The following PHF11 variants were observed in gnomAD, a reference collection of about 807,000 sequenced individuals.
The protein encoded by PHF11 is PHD finger protein 11, also known as BRCA1 C-terminus-associated protein.
A neutral mutation model predicts 40.5 loss-of-function variants in PHF11; 38 were observed. The ratio of observed to expected loss-of-function variants is 0.94; its 90% CI spans 0.72 to 1.23. The LOEUF is 1.23. Among genes scored for constraint, PHF11 ranks in the 50% most tolerant of loss-of-function variants. PHF11 has a pLI of 0.00. For synonymous variants in PHF11, 127 were observed against 138.2 expected, an observed-to-expected ratio of 0.92 and a Z score of 0.57; for missense variants, 369 against 392.4, an observed-to-expected ratio of 0.94 and a Z score of 0.50.
At chr13:49,513,627 G>T (rs533532528) in intron 3 of PHF11, among the ~76,000 whole-genome samples, 2 of 131,538 alleles carry the variant, frequency 1.5e-5, no homozygotes, top group South Asian at 4.6e-4. Context: ...CACCACGCCC[G>T]GCCAACATTT....
chr13:49,515,455 TAC>T (rs61316360), intron 3 of PHF11, among the ~76,000 whole-genome samples: 7,706 of 137,316 alleles, frequency 0.056, 203 homozygotes, highest in African/African-American at 0.064. Flanking sequence ...CCATCTCCTA[TAC>T]ACACACACAC....
chr13:49,507,462 T>G (rs1412231417), intron 2 of PHF11, among the ~76,000 whole-genome samples: 1 of 152,232 alleles, frequency 6.6e-6, no homozygotes, highest in Non-Finnish European at 1.5e-5. Flanking sequence ...GTCATGAACA[T>G]TCTTGTCTAG....
In PHF11 at chr13:49,523,260, CTG is replaced by C; in HGVS notation, c.637+21_637+22del. The C allele has an allele frequency of 1.3e-6, 2 of 1,559,476 alleles. No individual in the cohort carries two copies. Among genetic ancestry groups the C allele is most frequent in the South Asian group, 1.1e-5 (1 of 89,730 alleles). ...CACACAGGTTTGCGCTAAGTGTTGT[CTG>C]TAACAAATATGGCCTACAATACTTA... is the stretch of plus-strand genomic sequence containing the variant. On this transcript the variant is annotated intron_variant, in intron 7 of 9. Transcript: ENST00000378319.
At chr13:49,523,389 C>T (rs1484806739) in intron 7 of PHF11, 148 bp downstream of exon 7, 2 of 629,334 alleles carry the variant, frequency 3.2e-6, no homozygotes, top group East Asian at 2.8e-5. Flanking sequence ...TCGCAACTGT[C>T]CACTCTATTG....
At chr13:49,522,226 A>G in intron 6 of PHF11, 119 bp downstream of exon 6, 3 of 557,114 alleles carry the variant, frequency 5.4e-6, no homozygotes, top group Non-Finnish European at 9.7e-6. Context: ...CCTTTGAAGA[A>G]CATTCTTCAT....
chr13:49,522,758 G>GTTTTTTTT (rs1200697917), intron 6 of PHF11, among the ~76,000 whole-genome samples: 1 of 35,818 alleles, frequency 2.8e-5, no homozygotes, highest in Non-Finnish European at 7.6e-5. Flanking sequence ...ATGAATATGG[G>GTTTTTTTT]GTTTTTTTGT....
chr13:49,522,202 G>T, intron 6 of PHF11, 95 bp downstream of exon 6: 1 of 650,984 alleles, frequency 1.5e-6, no homozygotes, highest in Non-Finnish European at 2.7e-6. Context: ...TTTCCAAATC[G>T]TCCAAACAGA....
In PHF11 at chr13:49,523,101, G is replaced by A. The variant is rs1473489956; in HGVS notation, c.571-74G>A. 8.9e-6 allele frequency: 9 copies of A among 1,015,176 alleles called. No individual in the cohort carries two copies. In the East Asian group the frequency reaches 1.9e-4, roughly 21 times the overall value. 62.9% of individuals were successfully genotyped at this position (1,015,176 alleles called of 1,614,324 possible). A position where few individuals can be genotyped will look rare whatever the true frequency, so the allele number is the denominator to read the frequency against. ...TACTGTAGGCATATCATTTAGTTATGCACAGCAAAAGACTGGTTTTCATTT... is the reference window on the plus strand; with the variant it reads ...TACTGTAGGCATATCATTTAGTTATACACAGCAAAAGACTGGTTTTCATTT... On this transcript the variant is annotated intron_variant, in intron 6 of 9. Transcript: ENST00000378319.
chr13:49,523,272 T>C (rs369257467), intron 7 of PHF11, 31 bp downstream of exon 7: 3 of 1,439,638 alleles, frequency 2.1e-6, no homozygotes, highest in Non-Finnish European at 2.9e-6. Flanking sequence ...GTAACAAATA[T>C]GGCCTACAAT....
intron 9 of PHF11, 103 bp downstream of exon 9, chr13:49,526,561 GTTCA>G (rs970505069): frequency 7.5e-5 from 56 of 744,784 alleles, no homozygotes; most frequent in African/African-American, 5.5e-4. Flanking sequence ...TTAGAAGAAT[GTTCA>G]TTGTTTTCTT....
At position 49,504,274 on chromosome 13, in the gene PHF11, CCT is replaced by C. The variant is rs374362058; in HGVS notation, c.95-2360_95-2359del. 6.2e-3 allele frequency among the ~76,000 whole-genome samples: 946 copies of C among 151,854 alleles called. 3 individuals are homozygous for C. The highest frequency in any genetic ancestry group is 9.5e-3 in the Non-Finnish European group (645 of 67,892). On this transcript the variant is annotated intron_variant, in intron 1 of 9. Coordinates refer to ENST00000378319, the MANE Select transcript of PHF11 (RefSeq NM_001040443.3). ...CCAGCCTGGGCAACATAATGGGACC[CCT>C]GTCTCTAAAAAAAAAAATAACAAAA...
chr13:49,497,120 G>C, intron 1 of PHF11: 2 of 1,289,286 alleles, frequency 1.6e-6, no homozygotes. Flanking sequence ...TGACACAAAG[G>C]CACCAAACCA....
intron 8 of PHF11, among the ~76,000 whole-genome samples, chr13:49,525,278 C>T (rs187506317): frequency 2.1e-4 from 32 of 152,282 alleles, no homozygotes; most frequent in African/African-American, 6.5e-4. Flanking sequence ...GGCAGAGTCT[C>T]GCTCTCTCTC....
chr13:49,496,135 G>A, intron 1 of PHF11, 40 bp downstream of exon 1: 1 of 1,063,056 alleles, frequency 9.4e-7, no homozygotes, highest in Non-Finnish European at 1.2e-6. Context: ...GGGCGGGGCT[G>A]GGCAGCGACG....
Position 49,508,232 on chromosome 13 carries a change from G to GTGTTATGTATTAATATATTAT in PHF11, c.216+1478_216+1498dup. Reference sequence around the variant, plus strand: ...ATGTGTTATGTATTAATATATTATTGTGTTATGTATTAATATATTATTAAT... The same window carrying GTGTTATGTATTAATATATTAT: ...ATGTGTTATGTATTAATATATTATTGTGTTATGTATTAATATATTATTGTTATGTATTAATATATTATTAAT... On this transcript the variant is annotated intron_variant, in intron 2 of 9. Coordinates refer to ENST00000378319, the MANE Select transcript of PHF11 (RefSeq NM_001040443.3). Among the ~76,000 whole-genome samples, 3 of 143,550 alleles carry GTGTTATGTATTAATATATTAT rather than the reference G, an allele frequency of 2.1e-5. No individual in the cohort carries two copies. In the East Asian group the frequency reaches 6.2e-4, roughly 30 times the overall value. 94.2% of individuals were successfully genotyped at this position (143,550 alleles called of 152,430 possible). A position where few individuals can be genotyped will look rare whatever the true frequency, so the allele number is the denominator to read the frequency against.
At chr13:49,524,250 G>T in intron 8 of PHF11, 34 bp downstream of exon 8, 1 of 1,512,166 alleles carries the variant, frequency 6.6e-7, no homozygotes, top group South Asian at 1.2e-5. Context: ...GAAGTATAGA[G>T]ACTTCTCCCA....
At position 49,518,989 on chromosome 13, in the gene PHF11, C is replaced by T. The variant is rs528645813; in HGVS notation, c.458+838C>T. Among the ~76,000 whole-genome samples, 27 of 151,820 alleles carry T rather than the reference C, an allele frequency of 1.8e-4. No individual in the cohort carries two copies. The South Asian group carries it at 5.4e-3, about 31-fold the overall frequency. On this transcript the variant is annotated intron_variant, in intron 4 of 9. Transcript: ENST00000378319. Reference sequence around the variant, plus strand: ...TAGCTGGGACTACAGGCGCCCGCTACCACGCCCGGCTAATTTTTTGTATTT... The same window carrying T: ...TAGCTGGGACTACAGGCGCCCGCTATCACGCCCGGCTAATTTTTTGTATTT...
At chr13:49,524,696 G>C (rs1246037259) in intron 8 of PHF11, among the ~76,000 whole-genome samples, 1 of 151,962 alleles carries the variant, frequency 6.6e-6, no homozygotes, top group Admixed American at 6.6e-5. Context: ...GGCTGGTCTT[G>C]AACTCCTGAC....
intron 8 of PHF11, among the ~76,000 whole-genome samples, chr13:49,524,491 T>TAA (rs1204517405): frequency 1.3e-5 from 2 of 150,788 alleles, no homozygotes; most frequent in East Asian, 3.9e-4. Flanking sequence ...TTTTTTTTTT[T>TAA]AAGACGGAGT....
Sources: gnomAD v4.1 joint callset for allele counts (sites outside exome capture counted in the v4.1 genomes callset) on GRCh38, gnomAD v4.1.1 for gene constraint, MANE v1.5 for transcripts, NCBI Gene and HGNC (gene_info 2026-07-23, HGNC 2026-07-21) for gene names.